VARS1: variants seen among roughly 807,000 people sequenced by gnomAD.
VARS1 encodes the protein valine--tRNA ligase.
A neutral mutation model predicts 161.0 loss-of-function variants in VARS1; 92 were observed. The observed-to-expected ratio is 0.57, with a 90% CI of 0.48 to 0.68. The LOEUF (loss-of-function observed/expected upper bound fraction) is 0.68, where lower values mean the gene tolerates loss of function less well. Ranked by LOEUF, VARS1 falls within the 30% of genes least tolerant of loss-of-function variation. The pLI, the probability that VARS1 is intolerant of heterozygous loss-of-function variation, is 0.00. For missense variants in VARS1, 1,338 were observed against 1,695.9 expected (o/e 0.79, Z 3.71); for synonymous variants, 595 against 682.5 (o/e 0.87, Z 2.00).
At position 31,785,400 on chromosome 6, in the gene VARS1, T is replaced by C. The variant is rs1813430516; in HGVS notation, c.1266-73A>G. ...AGACATCAGGTGGCTGACTGGGCAGTGTGGAGATCACCCATCCCCCTGAAA... is the reference window on the plus strand; with the variant it reads ...AGACATCAGGTGGCTGACTGGGCAGCGTGGAGATCACCCATCCCCCTGAAA... On this transcript the variant is annotated intron_variant, in intron 9 of 29. Transcript: ENST00000375663. The surrounding 1 kb of genome is among the most constrained non-coding windows in gnomAD (Gnocchi z 6.1). 1 of 1,589,140 alleles carries C rather than the reference T, an allele frequency of 6.3e-7. No individual in the cohort carries two copies. The highest frequency in any genetic ancestry group is 8.6e-7 in the Non-Finnish European group (1 of 1,162,692).
chr6:31,787,382 C>G (rs1391907427), intron 8 of VARS1, among the ~76,000 whole-genome samples: 3 of 152,132 alleles, frequency 2.0e-5, no homozygotes, highest in African/African-American at 4.8e-5. Context: ...CAGTGGCTCA[C>G]ACCTGTAATC....
Position 31,779,727 on chromosome 6 carries a change from G to A in VARS1, c.3169C>T (p.Leu1057=), listed in dbSNP as rs779695920. 3 of 1,613,038 alleles carry A rather than the reference G, an allele frequency of 1.9e-6. No individual in the cohort carries two copies. The highest frequency in any genetic ancestry group is 4.5e-5 in the East Asian group (2 of 44,872). The change falls in exon 27 of 30, where the codon CTG becomes TTG. Residue 1057 remains leucine (L), a synonymous_variant. Transcript: ENST00000375663. This position sits in a 1 kb window ranked among gnomAD's most constrained non-coding sequence, Gnocchi z 9.1. ...GGCATGAAGGGTGAGAGCAGCCGCA[G>A]GCCAACGTCCAGGCAAGTGTACAGG... ...QTLYTCLDVG[L]RLLSPFMPFV...
At chr6:31,790,642 A>C (rs1163324028) in intron 8 of VARS1, among the ~76,000 whole-genome samples, 1 of 148,126 alleles carries the variant, frequency 6.8e-6, no homozygotes, top group Non-Finnish European at 1.5e-5. Flanking sequence ...GAATGACTTC[A>C]CTATGGTACA....
rs1562318367 is a variant in VARS1 at position 31,795,297 on chromosome 6, C to G, written c.-33-47G>C. 3 of 1,297,954 alleles carry G rather than the reference C, an allele frequency of 2.3e-6. No individual in the cohort carries two copies. The highest frequency in any genetic ancestry group is 2.6e-5 in the South Asian group (1 of 37,892). The allele number at this position is 1,297,954 out of a possible 1,614,324, so 80.4% of individuals were successfully genotyped here. On this transcript the variant is annotated intron_variant, in intron 1 of 29. Coordinates refer to ENST00000375663, the MANE Select transcript of VARS1 (RefSeq NM_006295.3). This position sits in a 1 kb window ranked among gnomAD's most constrained non-coding sequence, Gnocchi z 6.9. The stretch of plus-strand genomic sequence containing the variant: ...GGAAGACTGCGGGATCGAGGTGGGT[C>G]CTATGTTTGAGTAGAGAGGGGACCC...
chr6:31,785,869 T>A lies in VARS1; in HGVS notation c.1101-136A>T. On this transcript the variant is annotated intron_variant, in intron 8 of 29. Transcript: ENST00000375663. This position sits in a 1 kb window ranked among gnomAD's most constrained non-coding sequence, Gnocchi z 6.1. ...GGCCGGACGCGGTGGCTCACGCCTG[T>A]AATCCCAGAACTTTGGGAGGCTGAG... 1.7e-6 allele frequency: 2 copies of A among 1,143,720 alleles called. No individual in the cohort carries two copies. Among genetic ancestry groups the A allele is most frequent in the Non-Finnish European group, 2.4e-6 (2 of 834,084 alleles). The allele number at this position is 1,143,720 out of a possible 1,614,324, so 70.8% of individuals were successfully genotyped here. A position where few individuals can be genotyped will look rare whatever the true frequency, so the allele number is the denominator to read the frequency against.
Position 31,778,358 on chromosome 6 carries a change from C to T in VARS1, c.3726+609G>A, listed in dbSNP as rs188997510. On this transcript the variant is annotated intron_variant, in intron 29 of 29. Transcript: ENST00000375663. The surrounding 1 kb of genome is among the most constrained non-coding windows in gnomAD (Gnocchi z 5.1). The stretch of plus-strand genomic sequence containing the variant: ...CCTCCGTCTCCCACCTGTTGTGTGA[C>T]CCTGGGTTGTGCCCAGCCCCCAGCT... 5.1e-4 allele frequency among the ~76,000 whole-genome samples: 78 copies of T among 152,270 alleles called. 1 individual carries two copies. The highest frequency in any genetic ancestry group is 1.8e-3 in the Admixed American group (28 of 15,296).
Position 31,780,246 on chromosome 6 carries a change from C to A in VARS1, c.2926-93G>T. The A allele has an allele frequency of 1.3e-6, 2 of 1,564,914 alleles. No individual in the cohort carries two copies. The highest frequency in any genetic ancestry group is 1.2e-5 in the South Asian group (1 of 85,870). On this transcript the variant is annotated intron_variant, in intron 25 of 29. Transcript: ENST00000375663. This position sits in a 1 kb window ranked among gnomAD's most constrained non-coding sequence, Gnocchi z 5.1. ...TCATGGGCAAATCTTCATCCAGAGT[C>A]TGATGAGTCCAAAGCAACCACCTAT...
intron 14 of VARS1, 53 bp downstream of exon 14, chr6:31,783,043 T>C: frequency 1.3e-6 from 2 of 1,595,164 alleles, no homozygotes; most frequent in Non-Finnish European, 1.7e-6. Flanking sequence ...GATGGACAGC[T>C]AGGGTGCAGC....
Position 31,782,512 on chromosome 6 carries a change from C to T in VARS1, c.1991+18G>A, listed in dbSNP as rs1170571109. The T allele has an allele frequency of 6.2e-7, 1 of 1,612,976 alleles. No homozygotes were observed. The highest frequency in any genetic ancestry group is 1.7e-5 in the Admixed American group (1 of 60,030). ...AGGAGCCCTCCATCTTCCTCCCGTC[C>T]CAGGCCCCCACCCTCACTTGCAAAG... On this transcript the variant is annotated intron_variant, in intron 16 of 29. Coordinates refer to ENST00000375663, the MANE Select transcript of VARS1 (RefSeq NM_006295.3). The surrounding 1 kb of genome is among the most constrained non-coding windows in gnomAD (Gnocchi z 8.3).
At chr6:31,783,002 C>T (rs1419598969) in intron 14 of VARS1, 94 bp downstream of exon 14, 2 of 1,547,516 alleles carry the variant, frequency 1.3e-6, no homozygotes, top group Non-Finnish European at 1.8e-6. Context: ...GTCTATTTGG[C>T]TGAAGCTTAT....
intron 2 of VARS1, among the ~76,000 whole-genome samples, chr6:31,794,373 A>G (rs1814114194): frequency 6.6e-6 from 1 of 152,170 alleles, no homozygotes; most frequent in Non-Finnish European, 1.5e-5. Flanking sequence ...GGAAGGACTG[A>G]TAGTTACAAT....
In VARS1 at chr6:31,781,390, C is replaced by A; in HGVS notation, c.2544+91G>T. On this transcript the variant is annotated intron_variant, in intron 21 of 29. Transcript: ENST00000375663. The surrounding 1 kb of genome is among the most constrained non-coding windows in gnomAD (Gnocchi z 6.8). ...GGGTCAGGCCTGCCCACAGCTAACC[C>A]CATGCCCCAGCCACGCGGGGTCTGC... The A allele has an allele frequency of 6.5e-7, 1 of 1,530,696 alleles. No individual in the cohort carries two copies. The highest frequency in any genetic ancestry group is 2.0e-5 in the Admixed American group (1 of 50,328). The allele number at this position is 1,530,696 out of a possible 1,614,324, so 94.8% of individuals were successfully genotyped here. A position where few individuals can be genotyped will look rare whatever the true frequency, so the allele number is the denominator to read the frequency against.
Position 31,780,134 on chromosome 6 carries a change from A to G in VARS1, c.2945T>C (p.Leu982Pro), listed in dbSNP as rs778160196. Reference protein sequence around the residue: ...PTSQPGGHESLVDRWIRSRLT... With the variant: ...PTSQPGGHESPVDRWIRSRLT... ...GCGGCTGCGGATCCAGCGGTCCACC[A>G]GGCTCTCATGGCCTCCGGGCTTGGG... Residue 982 changes from leucine to proline, a missense_variant, in exon 26 of 30, where the codon CTG (leucine) becomes CCG (proline). By Grantham distance (98) the Leu-to-Pro change is moderately conservative. Around this residue, in one of 3 missense-constraint regions of VARS1, gnomAD observed 433 missense variants for 586.2 expected, o/e 0.74. Transcript: ENST00000375663. This position sits in a 1 kb window ranked among gnomAD's most constrained non-coding sequence, Gnocchi z 5.1. 2 of 1,613,868 alleles carry G rather than the reference A, an allele frequency of 1.2e-6. No individual in the cohort carries two copies. Among genetic ancestry groups the G allele is most frequent in the Non-Finnish European group, 1.7e-6 (2 of 1,179,964 alleles).
rs771219996 is a variant in VARS1, at chr6:31,778,988, G to A, written c.3705C>T (p.Val1235=). The A allele has an allele frequency of 6.2e-7, 1 of 1,613,068 alleles. No homozygotes were observed. Among genetic ancestry groups the A allele is most frequent in the East Asian group, 2.2e-5 (1 of 44,896 alleles). Residue 1235 remains valine (V), a synonymous_variant, in exon 29 of 30, where the codon GTC becomes GTT. Transcript: ENST00000375663. The surrounding 1 kb of genome is among the most constrained non-coding windows in gnomAD (Gnocchi z 5.1). The part of the protein sequence containing the change: ...SGYPVKVPLE[V]QEADEAKLQQ... The stretch of plus-strand genomic sequence containing the variant: ...ACACCTTGGCTTCATCTGCCTCCTG[G>A]ACTTCGAGCGGCACCTTGACAGGAT...
intron 8 of VARS1, among the ~76,000 whole-genome samples, chr6:31,787,147 G>A (rs1308452444): frequency 6.6e-6 from 1 of 151,558 alleles, no homozygotes; most frequent in East Asian, 1.9e-4. Context: ...GCTGCACCAA[G>A]CTATGATTGT....
chr6:31,785,237 C>T lies in VARS1; in HGVS notation c.1347+9G>A, dbSNP rs775379169. 6.2e-7 allele frequency: 1 copy of T among 1,613,070 alleles called. No homozygotes were observed. Among genetic ancestry groups the T allele is most frequent in the Non-Finnish European group, 8.5e-7 (1 of 1,180,008 alleles). Reference sequence around the variant, plus strand: ...CTCCTGCCCCAGCTTTGACACTCCTCCCACGCACAGGGTCCATGGTGAAAC... The same window carrying T: ...CTCCTGCCCCAGCTTTGACACTCCTTCCACGCACAGGGTCCATGGTGAAAC... On this transcript the variant is annotated intron_variant, in intron 10 of 29. Coordinates refer to ENST00000375663, the MANE Select transcript of VARS1 (RefSeq NM_006295.3). The surrounding 1 kb of genome is among the most constrained non-coding windows in gnomAD (Gnocchi z 6.1).
chr6:31,784,236 T>A lies in VARS1; in HGVS notation c.1649A>T (p.His550Leu). 6.2e-7 allele frequency: 1 copy of A among 1,614,096 alleles called. No individual in the cohort carries two copies. The highest frequency in any genetic ancestry group is 8.5e-7 in the Non-Finnish European group (1 of 1,180,024). The change falls in exon 13 of 30, where the codon CAC becomes CTC. Residue 550 changes from histidine (H) to leucine (L), a missense_variant. By Grantham distance (99) the His-to-Leu change is moderately conservative. Transcript: ENST00000375663. The surrounding 1 kb of genome is among the most constrained non-coding windows in gnomAD (Gnocchi z 6.1). Reference sequence around the variant, plus strand: ...CACCTGGTATCTGGTATCTTTGGGGTGCACAGCTACAGCCACATCTCCCAG... The same window carrying A: ...CACCTGGTATCTGGTATCTTTGGGGAGCACAGCTACAGCCACATCTCCCAG... Reference protein sequence around the residue: ...TMLGDVAVAVHPKDTRYQHLK... With the variant: ...TMLGDVAVAVLPKDTRYQHLK...
Position 31,781,941 on chromosome 6 carries a change from C to A in VARS1, c.2253G>T (p.Gly751=), listed in dbSNP as rs759184244. 6.2e-7 allele frequency: 1 copy of A among 1,613,056 alleles called. No individual in the cohort carries two copies. The highest frequency in any genetic ancestry group is 1.1e-5 in the South Asian group (1 of 91,090). Residue 751 remains glycine (G), a synonymous_variant, in exon 19 of 30, where the codon GGG becomes GGT. Transcript: ENST00000375663. The surrounding 1 kb of genome is among the most constrained non-coding windows in gnomAD (Gnocchi z 6.8). ...CATTGCGTCCACTCACCCAGTACCG[C>A]CCATCAGGGTCCTGCCACAGGTGCA... ...PAVPPGEDPD[G]RYWVSGRNEA...
intron 2 of VARS1, 88 bp downstream of exon 2, chr6:31,794,743 T>G: frequency 6.9e-7 from 1 of 1,456,470 alleles, no homozygotes; most frequent in Non-Finnish European, 9.2e-7. Context: ...ACATCTGATG[T>G]ACTACCTTCT....
Sources: gnomAD v4.1 joint callset for allele counts (sites outside exome capture counted in the v4.1 genomes callset) on GRCh38, gnomAD v4.1.1 for gene constraint, gnomAD v4.1.1 regional missense constraint, Gnocchi (gnomAD v3.1) non-coding constraint, MANE v1.5 for transcripts, NCBI Gene and HGNC (gene_info 2026-07-23, HGNC 2026-07-21) for gene names.